The following SHC3 variants were observed in gnomAD, a reference collection of about 807,000 sequenced individuals.
SHC3 encodes SHC adaptor protein 3.
SHC3 carries 15 observed loss-of-function variants against 60.4 expected under a neutral mutation model. That is an observed-to-expected ratio of 0.25 (90% CI 0.17 to 0.38). The LOEUF is 0.38. Among genes scored for constraint, SHC3 ranks in the 10% least tolerant of loss-of-function variants. The pLI, the probability that SHC3 is intolerant of heterozygous loss-of-function variation, is 1.00. For missense variants in SHC3, 677 were observed against 786.1 expected (o/e 0.86, Z 1.66); for synonymous variants, 294 against 325.9 (o/e 0.90, Z 1.05).
At chr9:89,025,182 T>A (rs1034112131) in intron 11 of SHC3, among the ~76,000 whole-genome samples, 1 of 145,216 alleles carries the variant, frequency 6.9e-6, no homozygotes, top group Non-Finnish European at 1.5e-5. Flanking sequence ...ACATGAGTTA[T>A]CCTGGAACAG....
chr9:89,177,738 T>C (rs962536763), intron 1 of SHC3, among the ~76,000 whole-genome samples: 8 of 152,198 alleles, frequency 5.3e-5, no homozygotes, highest in African/African-American at 1.7e-4. Context: ...AAGTGGAGCC[T>C]AGGGAAAACC....
At chr9:89,024,254 C>G (rs1310221391) in intron 11 of SHC3, among the ~76,000 whole-genome samples, 3 of 152,250 alleles carry the variant, frequency 2.0e-5, no homozygotes, top group Non-Finnish European at 2.9e-5. Flanking sequence ...TCCTGTGCAT[C>G]TTATTTATTT....
intron 1 of SHC3, among the ~76,000 whole-genome samples, chr9:89,172,184 G>C (rs1587770263): frequency 6.6e-6 from 1 of 152,304 alleles, no homozygotes; most frequent in East Asian, 1.9e-4. Flanking sequence ...GTCCAAATAG[G>C]GATGCCTAAT....
chr9:89,178,559 G>T lies in SHC3; in HGVS notation c.-99C>A. ...AGGCGAGCCACTGTCCCCGGAGCGG[G>T]ACGGAGAGTGGGGGCCCCGGGACAG... On this transcript the variant is annotated 5_prime_UTR_variant, in exon 1 of 12. Transcript: ENST00000375835. This position sits in a 1 kb window ranked among gnomAD's most constrained non-coding sequence, Gnocchi z 6.9. 1 of 1,223,856 alleles carries T rather than the reference G, an allele frequency of 8.2e-7. No homozygotes were observed. The highest frequency in any genetic ancestry group is 2.9e-5 in the East Asian group (1 of 34,278). The allele number at this position is 1,223,856 out of a possible 1,614,324, so 75.8% of individuals were successfully genotyped here. A position where few individuals can be genotyped will look rare whatever the true frequency, so the allele number is the denominator to read the frequency against.
At chr9:89,142,586 C>T (rs1826409108) in intron 1 of SHC3, among the ~76,000 whole-genome samples, 1 of 149,720 alleles carries the variant, frequency 6.7e-6, no homozygotes, top group Non-Finnish European at 1.5e-5. Flanking sequence ...AGGGCTGAGG[C>T]AGGAGAATCA....
chr9:89,120,604 G>A (rs1302090104), intron 1 of SHC3, among the ~76,000 whole-genome samples: 2 of 152,162 alleles, frequency 1.3e-5, no homozygotes, highest in Non-Finnish European at 2.9e-5. Flanking sequence ...AAGCCTTCTT[G>A]GAAAACTATA....
At chr9:89,107,985 T>C (rs1029797873) in intron 2 of SHC3, among the ~76,000 whole-genome samples, 8 of 152,236 alleles carry the variant, frequency 5.3e-5, no homozygotes, top group Non-Finnish European at 8.8e-5. Flanking sequence ...ATGAGTATAA[T>C]AGTGTATTTT....
At chr9:89,067,511 T>C (rs1177817509) in intron 5 of SHC3, among the ~76,000 whole-genome samples, 1 of 152,242 alleles carries the variant, frequency 6.6e-6, no homozygotes, top group African/African-American at 2.4e-5. Context: ...TCCAACATTA[T>C]GATTGCTAGG....
At chr9:89,037,851 C>G in intron 11 of SHC3, 142 bp downstream of exon 11, 1 of 1,089,160 alleles carries the variant, frequency 9.2e-7, no homozygotes. Context: ...CAGGAGTTGT[C>G]TGTCCCTGCG....
chr9:89,065,466 T>C lies in SHC3; in HGVS notation c.835+63A>G, dbSNP rs1825163419. ...GGGGCTGAGATAACGAGGACCAGCTTGTATAGAATGTGAAGCCTGGCTGTA... is the reference window on the plus strand; with the variant it reads ...GGGGCTGAGATAACGAGGACCAGCTCGTATAGAATGTGAAGCCTGGCTGTA... On this transcript the variant is annotated intron_variant, in intron 6 of 11. Transcript: ENST00000375835. 3.2e-6 allele frequency: 5 copies of C among 1,541,372 alleles called. No individual in the cohort carries two copies. In the Admixed American group the frequency reaches 8.4e-5, roughly 26 times the overall value.
chr9:89,177,958 C>G (rs777847883), intron 1 of SHC3, 29 bp downstream of exon 1: 6 of 1,204,352 alleles, frequency 5.0e-6, no homozygotes, highest in Non-Finnish European at 1.0e-6. Context: ...GAACCCCCAG[C>G]CCCCAGGGCG....
intron 10 of SHC3, among the ~76,000 whole-genome samples, chr9:89,038,637 C>T (rs180927564): frequency 4.1e-4 from 63 of 152,324 alleles, no homozygotes; most frequent in African/African-American, 2.2e-4. Flanking sequence ...TCACATGCCA[C>T]GTACTTTCTC....
At chr9:89,096,939 T>C (rs780160580) in intron 2 of SHC3, among the ~76,000 whole-genome samples, 2 of 151,996 alleles carry the variant, frequency 1.3e-5, no homozygotes, top group Non-Finnish European at 2.9e-5. Context: ...GAATGTGTGA[T>C]GGGAGGTAGG....
rs1121762 is a variant in SHC3 at position 89,125,930 on chromosome 9, G to T, written c.475-13304C>A. ...TTGGGGCTGCTCCGCCTATATAATA[G>T]CCATTCTTTTATTCCTTTACTTTCT... On this transcript the variant is annotated intron_variant, in intron 1 of 11. Transcript: ENST00000375835. 3.9e-3 allele frequency among the ~76,000 whole-genome samples: 596 copies of T among 152,220 alleles called. 6 individuals carry two copies. The highest frequency in any genetic ancestry group is 0.014 in the African/African-American group (572 of 41,518).
chr9:89,160,539 C>A (rs1277633225), intron 1 of SHC3, among the ~76,000 whole-genome samples: 1 of 152,140 alleles, frequency 6.6e-6, no homozygotes, highest in Non-Finnish European at 1.5e-5. Flanking sequence ...TCAAAAAATA[C>A]TTGTTGATCC....
At chr9:89,082,187 C>CT (rs113329789) in intron 2 of SHC3, among the ~76,000 whole-genome samples, 2 of 152,280 alleles carry the variant, frequency 1.3e-5, no homozygotes, top group African/African-American at 4.8e-5. Flanking sequence ...GGACACTTTC[C>CT]TTTTTTATTT....
chr9:89,110,564 T>C (rs1825932622), intron 2 of SHC3: 1 of 699,874 alleles, frequency 1.4e-6, no homozygotes, highest in African/African-American at 2.0e-5. Context: ...TGCAAAGTGC[T>C]TCATTCTGAA....
intron 11 of SHC3, among the ~76,000 whole-genome samples, chr9:89,030,228 T>C (rs889676598): frequency 1.3e-5 from 2 of 151,860 alleles, no homozygotes; most frequent in African/African-American, 4.8e-5. Context: ...CCAAAATACA[T>C]AAAGCAAAAT....
chr9:89,153,793 T>C (rs1263204097), intron 1 of SHC3, among the ~76,000 whole-genome samples: 1 of 152,168 alleles, frequency 6.6e-6, no homozygotes, highest in Non-Finnish European at 1.5e-5. Flanking sequence ...GAAATATGAC[T>C]AAAGGCGAGG....
Sources: allele counts gnomAD v4.1 joint callset (sites outside exome capture counted in the v4.1 genomes callset), GRCh38; gene constraint gnomAD v4.1.1; non-coding constraint Gnocchi (gnomAD v3.1); transcripts MANE v1.5; gene names NCBI Gene and HGNC (gene_info 2026-07-23, HGNC 2026-07-21).